The following PCDHGB4 variants were observed in gnomAD, a reference collection of about 807,000 sequenced individuals.
The protein encoded by PCDHGB4 is protocadherin gamma-B4.
In PCDHGB4, 38 loss-of-function variants were observed where a neutral mutation model predicts 60.5. That is an observed-to-expected ratio of 0.63 (90% CI 0.48 to 0.82). The LOEUF is 0.82. Ranked by LOEUF, PCDHGB4 falls within the 40% of genes least tolerant of loss-of-function variation. PCDHGB4 has a pLI of 0.00. For missense variants in PCDHGB4, 1,109 were observed against 1,209.6 expected, an observed-to-expected ratio of 0.92 and a Z score of 1.23; for synonymous variants, 456 against 509.7, an observed-to-expected ratio of 0.89 and a Z score of 1.42.
chr5:141,491,800 C>T lies in PCDHGB4; in HGVS notation c.2398-3007C>T. The T allele has an allele frequency of 6.7e-7, 1 of 1,500,854 alleles. No individual in the cohort carries two copies. Among genetic ancestry groups the T allele is most frequent in the Non-Finnish European group, 8.9e-7 (1 of 1,125,316 alleles). 93.0% of individuals were successfully genotyped at this position (1,500,854 alleles called of 1,614,324 possible). A position where few individuals can be genotyped will look rare whatever the true frequency, so the allele number is the denominator to read the frequency against. Reference sequence around the variant, plus strand: ...GAACTTGCATCCACTCCTCTCCGGCCGGCTTGGTCGCTGGCTGCGCTCCAC... The same window carrying T: ...GAACTTGCATCCACTCCTCTCCGGCTGGCTTGGTCGCTGGCTGCGCTCCAC... On this transcript the variant is annotated intron_variant, in intron 1 of 3. Transcript: ENST00000519479. The surrounding 1 kb of genome is among the most constrained non-coding windows in gnomAD (Gnocchi z 6.9).
Position 141,486,572 on chromosome 5 carries a change from A to G in PCDHGB4, c.2398-8235A>G. 1 of 1,613,876 alleles carries G rather than the reference A, an allele frequency of 6.2e-7. No individual in the cohort carries two copies. Among genetic ancestry groups the G allele is most frequent in the Non-Finnish European group, 8.5e-7 (1 of 1,180,002 alleles). ...GTCACATGAGGTGTTTGTTCCTGAG[A>G]ACAATCGCCCAGGGGACCTGCTTTG... is the stretch of plus-strand genomic sequence containing the variant. On this transcript the variant is annotated intron_variant, in intron 1 of 3. Coordinates refer to ENST00000519479, the MANE Select transcript of PCDHGB4 (RefSeq NM_003736.4). This position sits in a 1 kb window ranked among gnomAD's most constrained non-coding sequence, Gnocchi z 5.0.
At chr5:141,492,404 T>C (rs944864208) in intron 1 of PCDHGB4, among the ~76,000 whole-genome samples, 9 of 152,316 alleles carry the variant, frequency 5.9e-5, no homozygotes, top group African/African-American at 1.9e-4. Context: ...GCAGCTCCCC[T>C]CTGCCGCTCC....
intron 1 of PCDHGB4, chr5:141,404,976 T>G (rs373850794): frequency 4.3e-6 from 7 of 1,614,002 alleles, no homozygotes; most frequent in Non-Finnish European, 5.9e-6. Context: ...CTGGCTGACC[T>G]GGGCAGTCTT....
chr5:141,449,066 A>G (rs1234801725), intron 1 of PCDHGB4, among the ~76,000 whole-genome samples: 3 of 152,188 alleles, frequency 2.0e-5, no homozygotes, highest in African/African-American at 4.8e-5. Context: ...GCGCTATTGA[A>G]TAGCCCTGTA....
rs1290682140 is a variant in PCDHGB4 at position 141,431,692 on chromosome 5, G to A, written c.2397+41411G>A. 1 of 1,614,132 alleles carries A rather than the reference G, an allele frequency of 6.2e-7. No homozygotes were observed. The highest frequency in any genetic ancestry group is 2.2e-5 in the East Asian group (1 of 44,888). On this transcript the variant is annotated intron_variant, in intron 1 of 3. Transcript: ENST00000519479. The surrounding 1 kb of genome is among the most constrained non-coding windows in gnomAD (Gnocchi z 4.8). The stretch of plus-strand genomic sequence containing the variant: ...CAATAGGGGAGTTGGACCACGAGGA[G>A]TCAGGATTCTACCAGATGGAAGTGC...
At chr5:141,405,169 CTT>C (rs1561698717) in intron 1 of PCDHGB4, 2 of 1,614,122 alleles carry the variant, frequency 1.2e-6, no homozygotes, top group Non-Finnish European at 1.7e-6. Flanking sequence ...CCACCTCACA[CTT>C]TGTGGGTGTA....
At position 141,432,003 on chromosome 5, in the gene PCDHGB4, T is replaced by A; in HGVS notation, c.2397+41722T>A. On this transcript the variant is annotated intron_variant, in intron 1 of 3. Coordinates refer to ENST00000519479, the MANE Select transcript of PCDHGB4 (RefSeq NM_003736.4). This position sits in a 1 kb window ranked among gnomAD's most constrained non-coding sequence, Gnocchi z 6.0. ...GACATAGTCTTGGATAGGGAACAGG[T>A]TCCTAGCTACAACATCACAGTGACC... The A allele has an allele frequency of 6.2e-7, 1 of 1,614,116 alleles. No individual in the cohort carries two copies.
At chr5:141,415,208 A>C in intron 1 of PCDHGB4, 3 of 1,614,024 alleles carry the variant, frequency 1.9e-6, no homozygotes, top group Non-Finnish European at 2.5e-6. Context: ...GTCCTGGCGG[A>C]CCTCGGCAGC....
At chr5:141,422,307 C>T in intron 1 of PCDHGB4, 4 of 1,547,552 alleles carry the variant, frequency 2.6e-6, no homozygotes, top group South Asian at 1.3e-5. Flanking sequence ...TTCTGGAAAA[C>T]TCTCCTCCAG....
At position 141,485,971 on chromosome 5, in the gene PCDHGB4, C is replaced by T; in HGVS notation, c.2398-8836C>T. On this transcript the variant is annotated intron_variant, in intron 1 of 3. Transcript: ENST00000519479. This position sits in a 1 kb window ranked among gnomAD's most constrained non-coding sequence, Gnocchi z 5.7. Reference sequence around the variant, plus strand: ...GCATGGTGCTCATCCAGCTCAATGCCTCAGACCCGGACCTGGGTCCCAGTG... The same window carrying T: ...GCATGGTGCTCATCCAGCTCAATGCTTCAGACCCGGACCTGGGTCCCAGTG... The T allele has an allele frequency of 6.2e-7, 1 of 1,614,196 alleles. No individual in the cohort carries two copies. The highest frequency in any genetic ancestry group is 8.5e-7 in the Non-Finnish European group (1 of 1,180,042).
chr5:141,421,457 C>T (rs377073702), intron 1 of PCDHGB4: 9 of 1,614,014 alleles, frequency 5.6e-6, no homozygotes, highest in African/African-American at 2.7e-5. Flanking sequence ...CAGCTTTTCG[C>T]TGTGAATCCG....
At chr5:141,394,962 A>C (rs971000405) in intron 1 of PCDHGB4, 1 of 1,613,828 alleles carries the variant, frequency 6.2e-7, no homozygotes, top group Non-Finnish European at 8.5e-7. Context: ...GCTCAGGCTG[A>C]GGCGCTGGCA....
intron 1 of PCDHGB4, among the ~76,000 whole-genome samples, chr5:141,438,339 AGGATC>A (rs1013025873): frequency 1.6e-4 from 25 of 151,944 alleles, no homozygotes; most frequent in Non-Finnish European, 1.9e-4. Flanking sequence ...ATGTCATATA[AGGATC>A]TACTCTGTGT....
chr5:141,388,629 G>T lies in PCDHGB4; in HGVS notation c.745G>T (p.Val249Leu), dbSNP rs755930967. 6.2e-7 allele frequency: 1 copy of T among 1,613,942 alleles called. No homozygotes were observed. ...AGTGTTCAGTCAAGACGTATACAGG[G>T]TGAGCCTTTCAGAAAACGTGTACCC... The part of the protein sequence containing the change: ...APVFSQDVYR[V>L]SLSENVYPGT... Residue 249 changes from valine to leucine, a missense_variant, in exon 1 of 4, where the codon GTG becomes TTG. By Grantham distance (32) the Val-to-Leu change is conservative (BLOSUM62 1). Coordinates refer to ENST00000519479, the MANE Select transcript of PCDHGB4 (RefSeq NM_003736.4).
At chr5:141,463,518 G>C (rs537466389) in intron 1 of PCDHGB4, among the ~76,000 whole-genome samples, 1 of 139,068 alleles carries the variant, frequency 7.2e-6, no homozygotes, top group African/African-American at 2.8e-5. Context: ...GCGTGATCTC[G>C]GCTTACTAGA....
chr5:141,402,100 A>G (rs1589449876), intron 1 of PCDHGB4, among the ~76,000 whole-genome samples: 1 of 152,220 alleles, frequency 6.6e-6, no homozygotes, highest in South Asian at 2.1e-4. Flanking sequence ...AGTTTAAGCA[A>G]TTACAAAAAT....
chr5:141,479,616 C>A (rs1371541860), intron 1 of PCDHGB4: 2 of 152,232 alleles, frequency 1.3e-5, no homozygotes, highest in African/African-American at 4.8e-5. Flanking sequence ...TATAGGGAAA[C>A]CATGTCTCTT....
chr5:141,390,679 C>T (rs1180129734), intron 1 of PCDHGB4: 1 of 185,884 alleles, frequency 5.4e-6, no homozygotes, highest in Non-Finnish European at 1.1e-5. Flanking sequence ...AATAATAAAG[C>T]CAAAGAATTT....
chr5:141,409,749 C>T (rs1477022032), intron 1 of PCDHGB4: 4 of 1,613,030 alleles, frequency 2.5e-6, no homozygotes, highest in Admixed American at 1.7e-5. Context: ...GTGGTGTTCG[C>T]GCAGCGCGCC....
Sources: allele counts gnomAD v4.1 joint callset (sites outside exome capture counted in the v4.1 genomes callset), GRCh38; gene constraint gnomAD v4.1.1; non-coding constraint Gnocchi (gnomAD v3.1); transcripts MANE v1.5; gene names NCBI Gene and HGNC (gene_info 2026-07-23, HGNC 2026-07-21).